Variants in MPP7 observed in about 807,000 individuals in gnomAD.
The protein encoded by MPP7 is MAGUK p55 subfamily member 7.
In MPP7, 60 loss-of-function variants were observed where a neutral mutation model predicts 76.5. That is an observed-to-expected ratio of 0.78 (90% CI 0.64 to 0.97). The LOEUF is 0.97. Ranked by LOEUF, MPP7 falls within the 50% of genes least tolerant of loss-of-function variation. The probability of loss-of-function intolerance (pLI) is 0.00; values close to 1 mark genes in which losing one functional copy is unlikely to be tolerated. For synonymous variants in MPP7, 237 were observed against 244.5 expected (o/e 0.97, Z 0.29); for missense variants, 641 against 694.0 (o/e 0.92, Z 0.86).
chr10:28,075,476 A>AT (rs1439038801), intron 12 of MPP7, among the ~76,000 whole-genome samples: 2 of 151,904 alleles, frequency 1.3e-5, no homozygotes, highest in East Asian at 3.9e-4. Context: ...TCAAGTGTAA[A>AT]TTTTTTTACA....
chr10:28,166,180 C>A (rs1437746994), intron 3 of MPP7, among the ~76,000 whole-genome samples: 1 of 151,918 alleles, frequency 6.6e-6, no homozygotes. Flanking sequence ...TTTTTCTACT[C>A]TTTTATTCTT....
Position 28,120,207 on chromosome 10 carries a change from G to T in MPP7, c.874C>A (p.His292Asn), listed in dbSNP as rs141852158. 1 of 1,613,786 alleles carries T rather than the reference G, an allele frequency of 6.2e-7. No individual in the cohort carries two copies. The highest frequency in any genetic ancestry group is 8.5e-7 in the Non-Finnish European group (1 of 1,179,836). Reference sequence around the variant, plus strand: ...CCAGCAGCTCACCTTTCCTGGAAATGCTTTGAGGGGATCAAGCCTGCCCTG... The same window carrying T: ...CCAGCAGCTCACCTTTCCTGGAAATTCTTTGAGGGGATCAAGCCTGCCCTG... ...NPRAGLIPSK[H>N]FQERRLALRR... The change falls in exon 10 of 17, where the codon CAT becomes AAT. Residue 292 changes from histidine to asparagine, a missense_variant. Coordinates refer to ENST00000683449, the MANE Select transcript of MPP7 (RefSeq NM_001318170.2).
intron 3 of MPP7, among the ~76,000 whole-genome samples, chr10:28,183,218 C>A (rs1162399891): frequency 1.3e-5 from 2 of 152,054 alleles, no homozygotes; most frequent in Non-Finnish European, 2.9e-5. Flanking sequence ...TTATCACTGG[C>A]AGGAAAAGGA....
At chr10:28,230,960 T>C (rs1838862362) in intron 2 of MPP7, among the ~76,000 whole-genome samples, 1 of 152,166 alleles carries the variant, frequency 6.6e-6, no homozygotes, top group African/African-American at 2.4e-5. Flanking sequence ...ATACAGAATA[T>C]TTGAATGACT....
At chr10:28,077,082 C>CCA (rs376220513) in intron 12 of MPP7, among the ~76,000 whole-genome samples, 1 of 107,104 alleles carries the variant, frequency 9.3e-6, no homozygotes, top group Non-Finnish European at 2.3e-5. Context: ...TCTCTAACTA[C>CCA]AAAAAAAAAA....
chr10:28,314,201 T>C (rs926662647), intron 2 of MPP7, among the ~76,000 whole-genome samples: 29 of 152,240 alleles, frequency 1.9e-4, no homozygotes, highest in Admixed American at 1.8e-3. Context: ...GCACCTACTA[T>C]GTGCCAGGTA....
intron 3 of MPP7, among the ~76,000 whole-genome samples, chr10:28,185,503 A>C (rs1837206939): frequency 6.6e-6 from 1 of 152,202 alleles, no homozygotes; most frequent in Admixed American, 6.5e-5. Flanking sequence ...ACTAGACTCA[A>C]AAGAAAACAG....
chr10:28,115,092 GTTTTGTTT>G (rs1834623204), intron 11 of MPP7, among the ~76,000 whole-genome samples: 1 of 148,524 alleles, frequency 6.7e-6, no homozygotes, highest in Non-Finnish European at 1.5e-5. Context: ...TTGTTTGTTT[GTTTTGTTT>G]TTTGTTTTTG....
At chr10:28,238,480 C>T in intron 2 of MPP7, 88 bp downstream of exon 2, 1 of 1,369,154 alleles carries the variant, frequency 7.3e-7, no homozygotes, top group Non-Finnish European at 1.0e-6. Flanking sequence ...CATGATCTGC[C>T]TGCATTTGCT....
intron 11 of MPP7, among the ~76,000 whole-genome samples, chr10:28,091,448 C>T (rs1252821095): frequency 6.6e-6 from 1 of 151,932 alleles, no homozygotes; most frequent in Non-Finnish European, 1.5e-5. Flanking sequence ...CCATCACGCC[C>T]GGCTAACTTT....
chr10:28,322,543 AC>A (rs1320725735), intron 2 of MPP7, among the ~76,000 whole-genome samples: 10 of 152,006 alleles, frequency 6.6e-5, no homozygotes, highest in African/African-American at 2.4e-4. Flanking sequence ...TGTCATTGAC[AC>A]CCCGCTCTTG....
intron 3 of MPP7, among the ~76,000 whole-genome samples, chr10:28,191,690 A>T (rs1184242221): frequency 6.6e-6 from 1 of 152,248 alleles, no homozygotes; most frequent in Non-Finnish European, 1.5e-5. Context: ...TTGGATAAGG[A>T]ATCCTCAACC....
chr10:28,120,666 A>G lies in MPP7; in HGVS notation c.618T>C (p.Ala206=). The stretch of plus-strand genomic sequence containing the variant: ...TAAATGTAATTGCTCCCTGAGACTG[A>G]GCCTGGTAACAGATAAAACAAGGAG... ...KRPEEIIQIL[A]QSQGAITFKI... is the part of the protein sequence containing the mutation. Residue 206 remains alanine, a splice_region_variant and synonymous_variant, in exon 9 of 17, where the codon GCT becomes GCC. Transcript: ENST00000683449. The G allele has an allele frequency of 1.9e-6, 3 of 1,613,052 alleles. No individual in the cohort carries two copies. Among genetic ancestry groups the G allele is most frequent in the Non-Finnish European group, 2.5e-6 (3 of 1,179,222 alleles).
chr10:28,108,102 T>C (rs2133550054), intron 11 of MPP7, among the ~76,000 whole-genome samples: 1 of 152,306 alleles, frequency 6.6e-6, no homozygotes, highest in South Asian at 2.1e-4. Flanking sequence ...AGTACAAATA[T>C]TCTGTCTCTG....
intron 15 of MPP7, chr10:28,057,634 TTAGTA>T: frequency 2.4e-6 from 1 of 421,738 alleles, no homozygotes; most frequent in Non-Finnish European, 3.4e-6. Context: ...TTTTTTTTTT[TTAGTA>T]AATTACCCAG....
At chr10:28,149,918 C>G in intron 4 of MPP7, 64 bp downstream of exon 4, 1 of 1,243,266 alleles carries the variant, frequency 8.0e-7, no homozygotes, top group South Asian at 1.3e-5. Flanking sequence ...TGCACTAGGA[C>G]AGGTTCTGCC....
intron 1 of MPP7, among the ~76,000 whole-genome samples, chr10:28,291,281 G>C (rs1840912790): frequency 6.6e-6 from 1 of 152,194 alleles, no homozygotes; most frequent in Admixed American, 6.5e-5. Context: ...CCTTTGGATA[G>C]GATGACAGCT....
intron 15 of MPP7, chr10:28,057,638 T>G: frequency 3.8e-6 from 1 of 261,654 alleles, no homozygotes; most frequent in South Asian, 4.3e-5. Context: ...TTTTTTTTAG[T>G]AAATTACCCA....
At chr10:28,208,645 A>G (rs1434451890) in intron 2 of MPP7, among the ~76,000 whole-genome samples, 1 of 152,222 alleles carries the variant, frequency 6.6e-6, no homozygotes, top group Admixed American at 6.5e-5. Flanking sequence ...CTCCTCTTGC[A>G]TTGTCCCATC....
Sources: allele counts gnomAD v4.1 joint callset (sites outside exome capture counted in the v4.1 genomes callset), GRCh38; gene constraint gnomAD v4.1.1; transcripts MANE v1.5; gene names NCBI Gene and HGNC (gene_info 2026-07-23, HGNC 2026-07-21).